The following SLC17A8 variants were observed in gnomAD, a reference collection of about 807,000 sequenced individuals.
SLC17A8 encodes the protein solute carrier family 17 member 8.
A neutral mutation model predicts 58.0 loss-of-function variants in SLC17A8; 31 were observed. The ratio of observed to expected loss-of-function variants is 0.53; its 90% CI spans 0.40 to 0.72. The LOEUF (loss-of-function observed/expected upper bound fraction) is 0.72. Among genes scored for constraint, SLC17A8 ranks in the 30% least tolerant of loss-of-function variants. SLC17A8 has a pLI of 0.00. For synonymous variants in SLC17A8, 228 were observed against 249.0 expected (o/e 0.92, Z 0.79); for missense variants, 655 against 727.8 (o/e 0.90, Z 1.15).
intron 9 of SLC17A8, among the ~76,000 whole-genome samples, chr12:100,406,500 G>A (rs1292177355): frequency 6.6e-6 from 1 of 151,990 alleles, no homozygotes; most frequent in East Asian, 1.9e-4. Context: ...AGTACATTGA[G>A]ATGCAGATGA....
chr12:100,376,788 A>T (rs1422904902), intron 1 of SLC17A8, among the ~76,000 whole-genome samples: 1 of 152,116 alleles, frequency 6.6e-6, no homozygotes, highest in Non-Finnish European at 1.5e-5. Flanking sequence ...ATGTGTCAAT[A>T]TTAGAGCATC....
At chr12:100,413,876 T>C (rs1052196097) in intron 10 of SLC17A8, among the ~76,000 whole-genome samples, 1 of 151,440 alleles carries the variant, frequency 6.6e-6, no homozygotes, top group Non-Finnish European at 1.5e-5. Flanking sequence ...AGTCAGGAGG[T>C]TGAGGTGAGA....
chr12:100,408,274 A>G (rs920798559), intron 9 of SLC17A8, among the ~76,000 whole-genome samples: 3 of 152,198 alleles, frequency 2.0e-5, no homozygotes, highest in Admixed American at 6.5e-5. Context: ...ATGATGTTCA[A>G]TTCATTCTGA....
intron 1 of SLC17A8, 120 bp from the exon 2 acceptor site, chr12:100,380,581 C>T: frequency 1.1e-6 from 1 of 912,066 alleles, no homozygotes; most frequent in South Asian, 1.5e-5. Flanking sequence ...CCATAGTATT[C>T]TACTATGGGT....
chr12:100,417,059 C>T (rs1952911197), intron 10 of SLC17A8, among the ~76,000 whole-genome samples: 1 of 152,198 alleles, frequency 6.6e-6, no homozygotes, highest in South Asian at 2.1e-4. Context: ...GCATGTGCCA[C>T]CATGCCTGGC....
chr12:100,398,511 A>G (rs1469764970), intron 5 of SLC17A8, among the ~76,000 whole-genome samples: 2 of 152,208 alleles, frequency 1.3e-5, no homozygotes, highest in African/African-American at 4.8e-5. Flanking sequence ...GGGCTGATTT[A>G]AGAAATGGTT....
Position 100,386,507 on chromosome 12 carries a change from A to G in SLC17A8, c.355-4494A>G, listed in dbSNP as rs527401606. Among the ~76,000 whole-genome samples the G allele has an allele frequency of 2.0e-5, 3 of 152,106 alleles. No individual in the cohort carries two copies. The South Asian group carries it at 6.2e-4, about 32-fold the overall frequency. The stretch of plus-strand genomic sequence containing the variant: ...CCTGACAACCATCATTCTACTCTTC[A>G]AGTCTATGAATTTGACTATTTTAGG... On this transcript the variant is annotated intron_variant, in intron 2 of 11. Transcript: ENST00000323346.
At chr12:100,378,967 C>T (rs1952613352) in intron 1 of SLC17A8, among the ~76,000 whole-genome samples, 2 of 152,218 alleles carry the variant, frequency 1.3e-5, no homozygotes, top group African/African-American at 4.8e-5. Context: ...TCTTCCCCAT[C>T]AGCCTAAGAG....
At chr12:100,368,716 A>G (rs1359164091) in intron 1 of SLC17A8, among the ~76,000 whole-genome samples, 1 of 152,162 alleles carries the variant, frequency 6.6e-6, no homozygotes, top group Admixed American at 6.5e-5. Flanking sequence ...TCTAAAGTTT[A>G]TATTCTCTCC....
At chr12:100,365,706 G>A (rs904491432) in intron 1 of SLC17A8, among the ~76,000 whole-genome samples, 4 of 152,160 alleles carry the variant, frequency 2.6e-5, no homozygotes, top group Non-Finnish European at 4.4e-5. Flanking sequence ...CTTCGCCCAC[G>A]TGATGGACCT....
At chr12:100,377,917 C>T (rs1298970974) in intron 1 of SLC17A8, among the ~76,000 whole-genome samples, 2 of 152,040 alleles carry the variant, frequency 1.3e-5, no homozygotes, top group Non-Finnish European at 2.9e-5. Context: ...GCTGGAGCAA[C>T]CAAAGTAGCA....
intron 1 of SLC17A8, among the ~76,000 whole-genome samples, chr12:100,372,912 C>T (rs1952568161): frequency 6.6e-6 from 1 of 152,184 alleles, no homozygotes. Flanking sequence ...AGTTCTCTCA[C>T]TTTGTGCTCC....
At chr12:100,363,134 G>A (rs1300548677) in intron 1 of SLC17A8, among the ~76,000 whole-genome samples, 4 of 152,172 alleles carry the variant, frequency 2.6e-5, no homozygotes, top group African/African-American at 9.7e-5. Flanking sequence ...AAGTGACTGA[G>A]CAGCAGTCGT....
chr12:100,407,421 G>A (rs1014924674), intron 9 of SLC17A8, among the ~76,000 whole-genome samples: 3 of 152,112 alleles, frequency 2.0e-5, no homozygotes, highest in African/African-American at 7.2e-5. Context: ...TTATGTTGTG[G>A]TGATGAGAAC....
chr12:100,390,927 G>A, intron 2 of SLC17A8, 74 bp from the exon 3 acceptor site: 2 of 942,618 alleles, frequency 2.1e-6, no homozygotes, highest in South Asian at 1.3e-5. Flanking sequence ...TAATTATTGT[G>A]TAGGCTCATT....
intron 1 of SLC17A8, among the ~76,000 whole-genome samples, chr12:100,365,568 C>G (rs1480347694): frequency 6.6e-6 from 1 of 152,192 alleles, no homozygotes; most frequent in Non-Finnish European, 1.5e-5. Context: ...TACACTGCCT[C>G]AAAAACCCAA....
rs188774997 is a variant in SLC17A8, at chr12:100,401,107, C to T, written c.677-670C>T. Among the ~76,000 whole-genome samples, 353 of 150,590 alleles carry T rather than the reference C, an allele frequency of 2.3e-3. 1 individual carries two copies. Among genetic ancestry groups the T allele is most frequent in the African/African-American group, 3.6e-3 (148 of 41,118 alleles). On this transcript the variant is annotated intron_variant, in intron 5 of 11. Coordinates refer to ENST00000323346, the MANE Select transcript of SLC17A8 (RefSeq NM_139319.3). ...CCGCCTCACGGGTTCAAGCAATTCC[C>T]GTGCCTCAGCCGCCCAAGTAGCTGG...
intron 9 of SLC17A8, among the ~76,000 whole-genome samples, chr12:100,406,463 C>T (rs1047882064): frequency 5.9e-5 from 9 of 151,424 alleles, no homozygotes; most frequent in East Asian, 1.9e-4. Flanking sequence ...GCCTTGTCGG[C>T]GTATGCAGAG....
In SLC17A8 at chr12:100,361,992, G is replaced by A. The variant is rs145622608; in HGVS notation, c.101+4500G>A. ...AAACAAAACAAAAAAAAACAGAAAGGAGAAAGAGCCAAGCAAGGATGCATG... is the reference window on the plus strand; with the variant it reads ...AAACAAAACAAAAAAAAACAGAAAGAAGAAAGAGCCAAGCAAGGATGCATG... On this transcript the variant is annotated intron_variant, in intron 1 of 11. Coordinates refer to ENST00000323346, the MANE Select transcript of SLC17A8 (RefSeq NM_139319.3). 5.8e-3 allele frequency among the ~76,000 whole-genome samples: 885 copies of A among 152,136 alleles called. 4 individuals are homozygous for A. Among genetic ancestry groups the A allele is most frequent in the Non-Finnish European group, 0.01 (704 of 67,984 alleles).
Sources: allele counts gnomAD v4.1 joint callset (sites outside exome capture counted in the v4.1 genomes callset), GRCh38; gene constraint gnomAD v4.1.1; transcripts MANE v1.5; gene names NCBI Gene and HGNC (gene_info 2026-07-23, HGNC 2026-07-21).